PTPRB: variants seen among roughly 807,000 people sequenced by gnomAD.
PTPRB encodes protein tyrosine phosphatase receptor type B, also known as receptor-type tyrosine-protein phosphatase beta.
PTPRB carries 97 observed loss-of-function variants against 238.1 expected under a neutral mutation model. That is an observed-to-expected ratio of 0.41 (90% CI 0.35 to 0.48). The LOEUF is 0.48. PTPRB is among the 20% of genes least tolerant of loss of function. PTPRB has a pLI of 0.30. For missense variants in PTPRB, 2,292 were observed against 2,681.9 expected, an observed-to-expected ratio of 0.85 and a Z score of 3.21; for synonymous variants, 970 against 995.4, an observed-to-expected ratio of 0.97 and a Z score of 0.48.
rs186167279 is a variant in PTPRB, at chr12:70,623,945, C to T, written c.452-1299G>A. Among the ~76,000 whole-genome samples the T allele has an allele frequency of 8.6e-5, 13 of 152,020 alleles. No individual in the cohort carries two copies. The East Asian group carries it at 2.5e-3, about 29-fold the overall frequency. On this transcript the variant is annotated intron_variant, in intron 2 of 33. Coordinates refer to ENST00000334414, the MANE Select transcript of PTPRB (RefSeq NM_001109754.4). ...GATGTAAAGAGGAGGGCGATGAGGG[C>T]ACAAAAAGAAGATTAAGCTGGAAAA... is the stretch of plus-strand genomic sequence containing the variant.
intron 2 of PTPRB, 97 bp from the exon 3 acceptor site, chr12:70,622,743 T>C (rs1885002217): frequency 1.5e-6 from 2 of 1,356,810 alleles, no homozygotes; most frequent in Non-Finnish European, 2.0e-6. Flanking sequence ...GCCTTTTCAA[T>C]AATGGGCATG....
At chr12:70,561,650 A>G (rs1878500182) in intron 16 of PTPRB, among the ~76,000 whole-genome samples, 1 of 152,214 alleles carries the variant, frequency 6.6e-6, no homozygotes, top group South Asian at 2.1e-4. Flanking sequence ...TCAAAAGACA[A>G]ACAGAACTTC....
Position 70,592,483 on chromosome 12 carries a change from T to G in PTPRB, c.1579A>C (p.Lys527Gln). The G allele has an allele frequency of 1.9e-6, 3 of 1,613,926 alleles. No homozygotes were observed. Among genetic ancestry groups the G allele is most frequent in the Non-Finnish European group, 2.5e-6 (3 of 1,179,820 alleles). ...NDGSLTSLKV[K>Q]WQRPPGNVDS... ...ACATTTCCAGGAGGTCTTTGCCATTTGACTTTTAGAGAGGTCAAACTGCCA... is the reference window on the plus strand; with the variant it reads ...ACATTTCCAGGAGGTCTTTGCCATTGGACTTTTAGAGAGGTCAAACTGCCA... Residue 527 changes from lysine (K) to glutamine (Q), a missense_variant, in exon 7 of 34, where the codon AAA becomes CAA. By Grantham distance (53) the Lys-to-Gln change is moderately conservative (BLOSUM62 1). Around this residue, in one of 4 missense-constraint regions of PTPRB, gnomAD observed 1,205 missense variants for 1,287.8 expected, o/e 0.94. Coordinates refer to ENST00000334414, the MANE Select transcript of PTPRB (RefSeq NM_001109754.4).
At chr12:70,525,248 T>C (rs1872251746) in intron 32 of PTPRB, 6 of 152,136 alleles carry the variant, frequency 3.9e-5, no homozygotes, top group Admixed American at 3.9e-4. Context: ...ACCTCAAAGT[T>C]CATGTCTTTT....
At position 70,622,288 on chromosome 12, in the gene PTPRB, C is replaced by G. The variant is rs184242160; in HGVS notation, c.708+102G>C. On this transcript the variant is annotated intron_variant, in intron 3 of 33. Transcript: ENST00000334414. ...AGGACACAGGGTGAGAGTGCCTAAT[C>G]CCCCTACTGCAGCAGTGGCATTTTT... 8 of 1,423,696 alleles carry G rather than the reference C, an allele frequency of 5.6e-6. No individual in the cohort carries two copies. In the Admixed American group the frequency reaches 1.4e-4, roughly 25 times the overall value. 88.2% of individuals were successfully genotyped at this position (1,423,696 alleles called of 1,614,324 possible). A position where few individuals can be genotyped will look rare whatever the true frequency, so the allele number is the denominator to read the frequency against.
rs1219127766 is a variant in PTPRB at position 70,622,573 on chromosome 12, A to C, written c.525T>G (p.Asn175Lys). The change falls in exon 3 of 34, where the codon AAT (asparagine) becomes AAG (lysine). Residue 175 changes from asparagine to lysine, a missense_variant. Physicochemically the swap from Asn to Lys is moderately conservative, Grantham distance 94. This residue lies in a region of PTPRB where 1,205 missense variants were observed against 1,287.8 expected (regional missense o/e 0.94). Transcript: ENST00000334414. ...GGAATACCAGGCCATCTGGAACTGC[A>C]TTAAAGGTAGTGAGAATCTGGGGTG... Reference protein sequence around the residue: ...TAPPQILTTFNAVPDGLVFLI... With the variant: ...TAPPQILTTFKAVPDGLVFLI... 6.3e-7 allele frequency: 1 copy of C among 1,598,420 alleles called. No homozygotes were observed. The highest frequency in any genetic ancestry group is 8.5e-7 in the Non-Finnish European group (1 of 1,171,692).
chr12:70,554,561 T>C (rs1877367062), intron 20 of PTPRB, among the ~76,000 whole-genome samples: 1 of 152,258 alleles, frequency 6.6e-6, no homozygotes, highest in African/African-American at 2.4e-5. Context: ...TGTTCTTATC[T>C]GTAGGAATTA....
intron 10 of PTPRB, among the ~76,000 whole-genome samples, chr12:70,579,078 A>G (rs892739540): frequency 6.6e-6 from 1 of 152,172 alleles, no homozygotes; most frequent in Non-Finnish European, 1.5e-5. Flanking sequence ...CCCACATTAT[A>G]CAGTGTCTAA....
chr12:70,566,514 T>G lies in PTPRB; in HGVS notation c.3825A>C (p.Pro1275=). ...TKQHKFEDLT[P]GKKYKIQILT... The stretch of plus-strand genomic sequence containing the variant: ...GGATCTGTATCTTGTATTTCTTGCC[T>G]GGTGTTAGATCTTCAAATTTGTGTT... Residue 1275 remains proline, a synonymous_variant, in exon 15 of 34, where the codon CCA becomes CCC. Coordinates refer to ENST00000334414, the MANE Select transcript of PTPRB (RefSeq NM_001109754.4). 2.5e-6 allele frequency: 4 copies of G among 1,614,040 alleles called. No individual in the cohort carries two copies. The highest frequency in any genetic ancestry group is 3.4e-6 in the Non-Finnish European group (4 of 1,179,894).
At chr12:70,561,157 A>G (rs1340552229) in intron 16 of PTPRB, among the ~76,000 whole-genome samples, 2 of 152,198 alleles carry the variant, frequency 1.3e-5, no homozygotes, top group African/African-American at 4.8e-5. Context: ...TGCTTGCCAC[A>G]TGGACCCTGA....
rs1871305588 is a variant in PTPRB at position 70,517,780 on chromosome 12, C to T, written c.*3709G>A. On this transcript the variant is annotated 3_prime_UTR_variant, in exon 34 of 34. Transcript: ENST00000334414. ...GCGTCTCAGAGTTTGGGCTCAGATA[C>T]TACCACTGCTGTTGTGCAGATCTGG... 1 of 152,200 alleles carries T rather than the reference C, an allele frequency of 6.6e-6. No individual in the cohort carries two copies. Among genetic ancestry groups the T allele is most frequent in the East Asian group, 1.9e-4 (1 of 5,192 alleles). 9.4% of individuals were successfully genotyped at this position (152,200 alleles called of 1,614,324 possible). A position where few individuals can be genotyped will look rare whatever the true frequency, so the allele number is the denominator to read the frequency against.
intron 4 of PTPRB, among the ~76,000 whole-genome samples, chr12:70,602,157 CT>C (rs1373797988): frequency 6.6e-6 from 1 of 152,098 alleles, no homozygotes; most frequent in African/African-American, 2.4e-5. Context: ...TTCTGGCTTA[CT>C]TTAAAGATGA....
chr12:70,616,294 T>G (rs1358192653), intron 3 of PTPRB, among the ~76,000 whole-genome samples: 1 of 152,156 alleles, frequency 6.6e-6, no homozygotes, highest in Non-Finnish European at 1.5e-5. Flanking sequence ...AAAATGACCA[T>G]TCTGACATTG....
rs1013802482 is a variant in PTPRB at position 70,517,111 on chromosome 12, C to G, written c.*4378G>C. On this transcript the variant is annotated 3_prime_UTR_variant, in exon 34 of 34. Coordinates refer to ENST00000334414, the MANE Select transcript of PTPRB (RefSeq NM_001109754.4). ...AATGGCCAAACATTTTCAAAGTCAT[C>G]ATGCACTACAAGAATCTAAGGCAGT... The G allele has an allele frequency of 5.9e-5, 9 of 152,196 alleles. No homozygotes were observed. Among genetic ancestry groups the G allele is most frequent in the African/African-American group, 1.9e-4 (8 of 41,450 alleles). The allele number at this position is 152,196 out of a possible 1,614,324, so 9.4% of individuals were successfully genotyped here.
chr12:70,564,896 T>G, intron 15 of PTPRB, among the ~76,000 whole-genome samples: 1 of 148,936 alleles, frequency 6.7e-6, no homozygotes, highest in East Asian at 2.0e-4. Context: ...AATAAATAGA[T>G]AGATAAAATT....
chr12:70,568,211 G>A (rs756819529), intron 14 of PTPRB, among the ~76,000 whole-genome samples: 22 of 152,098 alleles, frequency 1.4e-4, no homozygotes, highest in Non-Finnish European at 3.2e-4. Flanking sequence ...CACGTACCAT[G>A]TTTTACTGTA....
intron 4 of PTPRB, among the ~76,000 whole-genome samples, chr12:70,601,649 G>A (rs1048399055): frequency 2.6e-4 from 39 of 152,100 alleles, no homozygotes; most frequent in Admixed American, 2.1e-3. Flanking sequence ...TAAAAATCAG[G>A]GTGGGATGGG....
At position 70,625,390 on chromosome 12, in the gene PTPRB, T is replaced by A. The variant is rs150089334; in HGVS notation, c.452-2744A>T. ...ACCTGAAACCTGCTATTATAACAAG[T>A]TTCTCAGGTGATTCCTAATATACAT... On this transcript the variant is annotated intron_variant, in intron 2 of 33. Coordinates refer to ENST00000334414, the MANE Select transcript of PTPRB (RefSeq NM_001109754.4). 1.2e-3 allele frequency among the ~76,000 whole-genome samples: 176 copies of A among 152,250 alleles called. 1 individual carries two copies. Among genetic ancestry groups the A allele is most frequent in the African/African-American group, 4.1e-3 (172 of 41,558 alleles).
chr12:70,535,911 A>G (rs1565910602), intron 29 of PTPRB, 114 bp downstream of exon 29: 3 of 1,302,736 alleles, frequency 2.3e-6, no homozygotes, highest in Non-Finnish European at 3.2e-6. Flanking sequence ...GTCACTAACA[A>G]TGCTCTCACA....
Sources: gnomAD v4.1 joint callset for allele counts (sites outside exome capture counted in the v4.1 genomes callset) on GRCh38, gnomAD v4.1.1 for gene constraint, gnomAD v4.1.1 regional missense constraint, MANE v1.5 for transcripts, NCBI Gene and HGNC (gene_info 2026-07-23, HGNC 2026-07-21) for gene names.